ERC2: variants seen among roughly 807,000 people sequenced by gnomAD.
ERC2 encodes the protein ELKS/RAB6-interacting/CAST family member 2, also known as ERC protein 2.
In ERC2, 42 loss-of-function variants were observed where a neutral mutation model predicts 114.8. That is an observed-to-expected ratio of 0.37 (90% CI 0.29 to 0.47). The LOEUF (loss-of-function observed/expected upper bound fraction) is 0.47, where lower values mean the gene tolerates loss of function less well. Ranked by LOEUF, ERC2 falls within the 20% of genes least tolerant of loss-of-function variation. The pLI is 0.99. For synonymous variants in ERC2, 454 were observed against 425.5 expected (o/e 1.07, Z -0.82); for missense variants, 939 against 1,150.7 (o/e 0.82, Z 2.66).
At chr3:55,944,834 G>A (rs1258398511) in intron 13 of ERC2, among the ~76,000 whole-genome samples, 1 of 152,184 alleles carries the variant, frequency 6.6e-6, no homozygotes, top group Non-Finnish European at 1.5e-5. Context: ...AATCCCCAAG[G>A]AAAGAAAGCA....
At chr3:55,551,829 T>C (rs1039746741) in intron 17 of ERC2, among the ~76,000 whole-genome samples, 1 of 152,234 alleles carries the variant, frequency 6.6e-6, no homozygotes, top group African/African-American at 2.4e-5. Flanking sequence ...TGACCAACTA[T>C]CTGGGCACTG....
chr3:55,983,756 A>T (rs1409823392), intron 12 of ERC2, among the ~76,000 whole-genome samples: 1 of 152,244 alleles, frequency 6.6e-6, no homozygotes, highest in Non-Finnish European at 1.5e-5. Context: ...TTTCTAAAAT[A>T]CATGATATGT....
At chr3:56,062,608 T>C (rs953540584) in intron 7 of ERC2, among the ~76,000 whole-genome samples, 1 of 152,190 alleles carries the variant, frequency 6.6e-6, no homozygotes, top group Non-Finnish European at 1.5e-5. Flanking sequence ...TTTTTAAAAA[T>C]AGTTAAATGC....
intron 6 of ERC2, among the ~76,000 whole-genome samples, chr3:56,114,186 T>A (rs954624019): frequency 2.6e-5 from 4 of 152,176 alleles, no homozygotes; most frequent in Non-Finnish European, 5.9e-5. Flanking sequence ...GTTACATACA[T>A]CCCATGTTCA....
rs1338133732 is a variant in ERC2, at chr3:55,508,721, T to C, written c.*2595A>G. ...CATAAACACTGTTTAAAAAGTAAAT[T>C]GAAACCCACTTTCAAATGAAAGTTG... is the stretch of plus-strand genomic sequence containing the variant. On this transcript the variant is annotated 3_prime_UTR_variant, in exon 18 of 18. Transcript: ENST00000288221. 1 of 152,418 alleles carries C rather than the reference T, an allele frequency of 6.6e-6. No individual in the cohort carries two copies. The highest frequency in any genetic ancestry group is 1.5e-5 in the Non-Finnish European group (1 of 67,998). The allele number at this position is 152,418 out of a possible 1,614,324, so 9.4% of individuals were successfully genotyped here. A position where few individuals can be genotyped will look rare whatever the true frequency, so the allele number is the denominator to read the frequency against.
intron 17 of ERC2, among the ~76,000 whole-genome samples, chr3:55,567,306 G>A (rs2056437593): frequency 6.6e-6 from 1 of 152,172 alleles, no homozygotes; most frequent in African/African-American, 2.4e-5. Flanking sequence ...CAATAGACCT[G>A]CGCAAAGGCC....
intron 2 of ERC2, among the ~76,000 whole-genome samples, chr3:56,394,526 C>G (rs1436469627): frequency 6.6e-6 from 1 of 152,104 alleles, no homozygotes; most frequent in Non-Finnish European, 1.5e-5. Flanking sequence ...AATTAAAAGA[C>G]AAATAATCCA....
chr3:56,051,872 CACACACA>C (rs2149686380), intron 7 of ERC2, among the ~76,000 whole-genome samples: 1 of 136,214 alleles, frequency 7.3e-6, no homozygotes, highest in South Asian at 2.5e-4. Flanking sequence ...CACACACACA[CACACACA>C]AATTTAACCT....
intron 6 of ERC2, among the ~76,000 whole-genome samples, chr3:56,091,795 T>C (rs12152425): frequency 0.25 from 37,776 of 152,078 alleles, 5,229 homozygotes; most frequent in Admixed American, 0.32. Context: ...GTCATCTCAA[T>C]TGAGCCTTTG....
chr3:55,532,188 C>T (rs1194364246), intron 17 of ERC2, among the ~76,000 whole-genome samples: 1 of 152,216 alleles, frequency 6.6e-6, no homozygotes, highest in African/African-American at 2.4e-5. Context: ...GACCATAGAG[C>T]TGACTTCTAG....
chr3:56,297,158 A>G (rs990661803), intron 2 of ERC2, among the ~76,000 whole-genome samples: 1 of 152,168 alleles, frequency 6.6e-6, no homozygotes, highest in Non-Finnish European at 1.5e-5. Flanking sequence ...AACACAAAGA[A>G]AAGTCCAGTG....
At chr3:55,790,449 T>C (rs1255916216) in intron 14 of ERC2, among the ~76,000 whole-genome samples, 3 of 152,162 alleles carry the variant, frequency 2.0e-5, no homozygotes, top group Non-Finnish European at 4.4e-5. Flanking sequence ...CAGCACTCAA[T>C]AGCACAGAAC....
intron 17 of ERC2, among the ~76,000 whole-genome samples, chr3:55,678,714 C>T (rs1037194497): frequency 1.3e-5 from 2 of 152,186 alleles, no homozygotes; most frequent in Admixed American, 6.5e-5. Flanking sequence ...AAAGCCTGCC[C>T]TTCCCTTGGC....
intron 2 of ERC2, among the ~76,000 whole-genome samples, chr3:56,322,214 TC>T (rs1576426809): frequency 6.6e-6 from 1 of 152,206 alleles, no homozygotes; most frequent in Non-Finnish European, 1.5e-5. Flanking sequence ...CAGTTGTTTA[TC>T]AAATAATAGC....
chr3:56,305,535 C>T (rs2056167213), intron 2 of ERC2, among the ~76,000 whole-genome samples: 1 of 151,760 alleles, frequency 6.6e-6, no homozygotes, highest in African/African-American at 2.4e-5. Flanking sequence ...CACACACACA[C>T]ACACACACAC....
intron 17 of ERC2, among the ~76,000 whole-genome samples, chr3:55,571,584 G>A (rs978518936): frequency 6.6e-5 from 10 of 152,248 alleles, no homozygotes; most frequent in African/African-American, 1.2e-4. Context: ...TGCCTTGCTC[G>A]CCTTTCCCAC....
chr3:55,849,880 C>T (rs1559759779), intron 14 of ERC2, among the ~76,000 whole-genome samples: 1 of 152,192 alleles, frequency 6.6e-6, no homozygotes, highest in South Asian at 2.1e-4. Context: ...CAATACCCAA[C>T]TGTATTAGTT....
chr3:55,878,886 T>C (rs2062985369), intron 14 of ERC2, among the ~76,000 whole-genome samples: 1 of 152,178 alleles, frequency 6.6e-6, no homozygotes, highest in Admixed American at 6.5e-5. Flanking sequence ...CTACCTGACA[T>C]GCAATTTAAC....
chr3:56,266,023 C>T (rs116319069), intron 3 of ERC2, among the ~76,000 whole-genome samples: 4,048 of 117,410 alleles, frequency 0.034, 55 homozygotes, highest in African/African-American at 0.053. Context: ...AGTGAGAATC[C>T]GACCAAAAAA....
Sources: gnomAD v4.1 joint callset for allele counts (sites outside exome capture counted in the v4.1 genomes callset) on GRCh38, gnomAD v4.1.1 for gene constraint, MANE v1.5 for transcripts, NCBI Gene and HGNC (gene_info 2026-07-23, HGNC 2026-07-21) for gene names.